CNIH2: variants seen among roughly 807,000 people sequenced by gnomAD.
CNIH2 encodes cornichon family AMPA receptor auxiliary protein 2.
CNIH2 carries 8 observed loss-of-function variants against 22.9 expected under a neutral mutation model. The ratio of observed to expected loss-of-function variants is 0.35; its 90% CI spans 0.20 to 0.63. The LOEUF (loss-of-function observed/expected upper bound fraction) is 0.63. Among genes scored for constraint, CNIH2 ranks in the 30% least tolerant of loss-of-function variants. CNIH2 has a pLI of 0.72. For synonymous variants in CNIH2, 74 were observed against 78.2 expected, an observed-to-expected ratio of 0.95 and a Z score of 0.28; for missense variants, 105 against 206.2, an observed-to-expected ratio of 0.51 and a Z score of 3.01.
chr11:66,282,585 T>A (rs555421822), intron 2 of CNIH2, 148 bp from the exon 3 acceptor site: 2 of 985,468 alleles, frequency 2.0e-6, no homozygotes, highest in African/African-American at 1.6e-5. Context: ...ACGGTCGCCA[T>A]GGGGACGGCG....
Position 66,278,325 on chromosome 11 carries a change from C to A in CNIH2, c.-132C>A. 1 of 195,366 alleles carries A rather than the reference C, an allele frequency of 5.1e-6. No individual in the cohort carries two copies. The highest frequency in any genetic ancestry group is 9.1e-6 in the Non-Finnish European group (1 of 109,858). 12.1% of individuals were successfully genotyped at this position (195,366 alleles called of 1,614,324 possible). A position where few individuals can be genotyped will look rare whatever the true frequency, so the allele number is the denominator to read the frequency against. Reference sequence around the variant, plus strand: ...CCCCCACGGCCCCGCGGTCCCGGTCCCGGCCGCATCACCCACGTCCCCCGA... The same window carrying A: ...CCCCCACGGCCCCGCGGTCCCGGTCACGGCCGCATCACCCACGTCCCCCGA... On this transcript the variant is annotated 5_prime_UTR_variant, in exon 1 of 6. Transcript: ENST00000311445.
intron 4 of CNIH2, 41 bp downstream of exon 4, chr11:66,283,188 CAG>C (rs1565185866): frequency 4.3e-6 from 7 of 1,613,524 alleles, no homozygotes; most frequent in African/African-American, 1.3e-5. Context: ...AGATGGGGAA[CAG>C]GGGCAGGATG....
intron 1 of CNIH2, among the ~76,000 whole-genome samples, chr11:66,279,100 G>T (rs1238038450): frequency 1.5e-5 from 2 of 129,224 alleles, no homozygotes; most frequent in African/African-American, 3.0e-5. Flanking sequence ...CCCCACCACC[G>T]GCTCACCTTG....
chr11:66,281,557 C>A, intron 1 of CNIH2: 2 of 440,076 alleles, frequency 4.5e-6, no homozygotes, highest in South Asian at 1.6e-5. Context: ...TGCCTCCCCC[C>A]AAAATTTTTG....
At chr11:66,278,861 C>A (rs1179283738) in intron 1 of CNIH2, among the ~76,000 whole-genome samples, 3 of 128,076 alleles carry the variant, frequency 2.3e-5, no homozygotes, top group Non-Finnish European at 3.4e-5. Context: ...TATGTCCCCC[C>A]CCACCACCAT....
Position 66,278,323 on chromosome 11 carries a change from T to C in CNIH2, c.-134T>C, listed in dbSNP as rs1857193508. 1 of 186,402 alleles carries C rather than the reference T, an allele frequency of 5.4e-6. No individual in the cohort carries two copies. The allele number at this position is 186,402 out of a possible 1,614,324, so 11.5% of individuals were successfully genotyped here. A position where few individuals can be genotyped will look rare whatever the true frequency, so the allele number is the denominator to read the frequency against. On this transcript the variant is annotated 5_prime_UTR_variant, in exon 1 of 6. Coordinates refer to ENST00000311445, the MANE Select transcript of CNIH2 (RefSeq NM_182553.3). ...GCCCCCCACGGCCCCGCGGTCCCGG[T>C]CCCGGCCGCATCACCCACGTCCCCC...
rs1225863081 is a variant in CNIH2, at chr11:66,278,202, C to G, written c.-255C>G. 1 of 148,034 alleles carries G rather than the reference C, an allele frequency of 6.8e-6. No homozygotes were observed. The highest frequency in any genetic ancestry group is 1.5e-5 in the Non-Finnish European group (1 of 66,414). 9.2% of individuals were successfully genotyped at this position (148,034 alleles called of 1,614,324 possible). A position where few individuals can be genotyped will look rare whatever the true frequency, so the allele number is the denominator to read the frequency against. On this transcript the variant is annotated 5_prime_UTR_variant, in exon 1 of 6. Transcript: ENST00000311445. ...CCCGCCGGCTTCGCGGGCTGGAGAG[C>G]GAGGGAGCCGCGGGCGAGGGATCGC...
chr11:66,279,152 G>C (rs1857218617), intron 1 of CNIH2, among the ~76,000 whole-genome samples: 1 of 149,798 alleles, frequency 6.7e-6, no homozygotes, highest in Non-Finnish European at 1.5e-5. Flanking sequence ...CAGCCCCCCA[G>C]GTTTCCTCTC....
At position 66,283,362 on chromosome 11, in the gene CNIH2, C is replaced by T. The variant is rs1201706525; in HGVS notation, c.426C>T (p.Tyr142=). 1.2e-6 allele frequency: 2 copies of T among 1,614,070 alleles called. No individual in the cohort carries two copies. The highest frequency in any genetic ancestry group is 1.1e-5 in the South Asian group (1 of 91,094). The change falls in exon 5 of 6, where the codon TAC becomes TAT. Residue 142 remains tyrosine, a synonymous_variant. Coordinates refer to ENST00000311445, the MANE Select transcript of CNIH2 (RefSeq NM_182553.3). ...QKESWCKLAF[Y]LLSFFYYLYS... is the part of the protein sequence containing the mutation. ...AGTCCTGGTGCAAACTTGCCTTCTACCTGCTCTCCTTCTTCTATTACCTGT... is the reference window on the plus strand; with the variant it reads ...AGTCCTGGTGCAAACTTGCCTTCTATCTGCTCTCCTTCTTCTATTACCTGT...
Position 66,283,167 on chromosome 11 carries a change from T to TG in CNIH2, c.311+24dup, listed in dbSNP as rs772577374. 1 of 1,613,214 alleles carries TG rather than the reference T, an allele frequency of 6.2e-7. No homozygotes were observed. The highest frequency in any genetic ancestry group is 8.5e-7 in the Non-Finnish European group (1 of 1,179,478). Reference sequence around the variant, plus strand: ...CTGGAGGTGAGGGTAGCAGCTGCCTTGGGGAGGCTGAGATGGGGAACAGGG... The same window carrying TG: ...CTGGAGGTGAGGGTAGCAGCTGCCTTGGGGGAGGCTGAGATGGGGAACAGGG... On this transcript the variant is annotated intron_variant, in intron 4 of 5. Transcript: ENST00000311445.
At chr11:66,278,762 T>C (rs1328206290) in intron 1 of CNIH2, among the ~76,000 whole-genome samples, 1 of 147,800 alleles carries the variant, frequency 6.8e-6, no homozygotes, top group African/African-American at 2.5e-5. Context: ...TCAGTCGGTC[T>C]CTGACCCCCT....
intron 1 of CNIH2, among the ~76,000 whole-genome samples, chr11:66,280,874 T>C (rs1407772690): frequency 1.3e-5 from 2 of 152,056 alleles, no homozygotes; most frequent in Admixed American, 1.3e-4. Context: ...GCCTGCTGCC[T>C]CATCCTAGGG....
rs145441948 is a variant in CNIH2 at position 66,283,302 on chromosome 11, C to T, written c.366C>T (p.Ile122=). ...GSEVMYDAVS[I]MNADILNYCQ... ...AGGTCATGTATGATGCGGTCTCCAT[C>T]ATGAATGCTGACATTCTCAACTACT... The change falls in exon 5 of 6, where the codon ATC becomes ATT. Residue 122 remains isoleucine, a synonymous_variant. Transcript: ENST00000311445. The T allele has an allele frequency of 2.2e-3, 3,581 of 1,614,174 alleles. 12 individuals carry two copies. Among genetic ancestry groups the T allele is most frequent in the Non-Finnish European group, 2.4e-3 (2,785 of 1,180,012 alleles).
chr11:66,283,049 A>G lies in CNIH2; in HGVS notation c.213A>G (p.Glu71=), dbSNP rs762283302. Reference sequence around the variant, plus strand: ...CACTCCCCCAGCTGGTGGTCCCAGAATACTCCATCCACGGCCTCTTCTGTC... The same window carrying G: ...CACTCCCCCAGCTGGTGGTCCCAGAGTACTCCATCCACGGCCTCTTCTGTC... The part of the protein sequence containing the change: ...CCLLRKLVVP[E]YSIHGLFCLM... The change falls in exon 4 of 6, where the codon GAA becomes GAG. Residue 71 remains glutamate, a synonymous_variant. Coordinates refer to ENST00000311445, the MANE Select transcript of CNIH2 (RefSeq NM_182553.3). The G allele has an allele frequency of 6.2e-6, 10 of 1,613,774 alleles. No individual in the cohort carries two copies. The African/African-American group carries it at 1.2e-4, about 19-fold the overall frequency.
At chr11:66,280,644 G>A (rs571360854) in intron 1 of CNIH2, among the ~76,000 whole-genome samples, 96 of 152,228 alleles carry the variant, frequency 6.3e-4, no homozygotes, top group African/African-American at 2.2e-3. Context: ...GGTGGGAGGG[G>A]TGACGCCCGC....
rs1857281603 is a variant in CNIH2 at position 66,282,744 on chromosome 11, A to G, written c.162A>G (p.Leu54=). 6.2e-7 allele frequency: 1 copy of G among 1,613,630 alleles called. No homozygotes were observed. The highest frequency in any genetic ancestry group is 8.5e-7 in the Non-Finnish European group (1 of 1,179,958). The change falls in exon 3 of 6, where the codon TTA becomes TTG. Residue 54 remains leucine, a synonymous_variant. Coordinates refer to ENST00000311445, the MANE Select transcript of CNIH2 (RefSeq NM_182553.3). The stretch of plus-strand genomic sequence containing the variant: ...CCTTCCCCCAACAGCGCGAGCGTTT[A>G]AAAAACATCGAACGCATCTGCTGCC... ...QGNPARARER[L]KNIERICCLL... is the part of the protein sequence containing the mutation.
Position 66,283,622 on chromosome 11 carries a change from C to G in CNIH2, c.*25C>G. ...AGGGGGAAGCCGGCCAGGGAGCGAG[C>G]CCAGAACGGACCGGACGCCTGTGCA... On this transcript the variant is annotated 3_prime_UTR_variant, in exon 6 of 6. Transcript: ENST00000311445. The G allele has an allele frequency of 6.4e-7, 1 of 1,560,872 alleles. No homozygotes were observed. The highest frequency in any genetic ancestry group is 1.2e-5 in the South Asian group (1 of 85,150).
Position 66,278,403 on chromosome 11 carries a change from T to G in CNIH2, c.-54T>G. 1.2e-6 allele frequency: 1 copy of G among 816,302 alleles called. No individual in the cohort carries two copies. The highest frequency in any genetic ancestry group is 1.5e-6 in the Non-Finnish European group (1 of 665,588). 50.6% of individuals were successfully genotyped at this position (816,302 alleles called of 1,614,324 possible). On this transcript the variant is annotated 5_prime_UTR_variant, in exon 1 of 6. Coordinates refer to ENST00000311445, the MANE Select transcript of CNIH2 (RefSeq NM_182553.3). ...TAAGCGCGGGCCGGGGGGCGTCCCC[T>G]TGCGCCCGGGCCCCGCGCTGGCGCC...
Position 66,283,139 on chromosome 11 carries a change from C to T in CNIH2, c.303C>T (p.His101=). The stretch of plus-strand genomic sequence containing the variant: ...TCAACATCCCCCTCCTCTTCTACCA[C>T]CTCTGGAGGTGAGGGTAGCAGCTGC... ...LGLNIPLLFY[H]LWRYFHRPAD... is the part of the protein sequence containing the mutation. The change falls in exon 4 of 6, where the codon CAC becomes CAT. Residue 101 remains histidine, a synonymous_variant. Transcript: ENST00000311445. 1 of 1,613,828 alleles carries T rather than the reference C, an allele frequency of 6.2e-7. No individual in the cohort carries two copies. The highest frequency in any genetic ancestry group is 8.5e-7 in the Non-Finnish European group (1 of 1,179,832).
Sources: gnomAD v4.1 joint callset for allele counts (sites outside exome capture counted in the v4.1 genomes callset) on GRCh38, gnomAD v4.1.1 for gene constraint, MANE v1.5 for transcripts, NCBI Gene and HGNC (gene_info 2026-07-23, HGNC 2026-07-21) for gene names.